The following SRGAP1 variants were observed in gnomAD, a reference collection of about 807,000 sequenced individuals.
SRGAP1 encodes SLIT-ROBO Rho GTPase activating protein 1.
Under a neutral mutation model 121.9 loss-of-function variants are expected in SRGAP1, and 43 were observed. The observed-to-expected ratio is 0.35, with a 90% CI of 0.28 to 0.46. The LOEUF is 0.46. SRGAP1 is among the 20% of genes least tolerant of loss of function. The pLI, the probability that SRGAP1 is intolerant of heterozygous loss-of-function variation, is 1.00. For synonymous variants in SRGAP1, 447 were observed against 485.4 expected (o/e 0.92, Z 1.04); for missense variants, 1,102 against 1,350.9 (o/e 0.82, Z 2.89).
intron 6 of SRGAP1, among the ~76,000 whole-genome samples, chr12:64,048,334 G>A (rs1265617967): frequency 3.3e-5 from 5 of 152,074 alleles, no homozygotes; most frequent in Non-Finnish European, 7.4e-5. Flanking sequence ...ACAGGATCTC[G>A]TTCTTTTTCA....
intron 1 of SRGAP1, among the ~76,000 whole-genome samples, chr12:63,955,096 T>C (rs2032423138): frequency 6.6e-6 from 1 of 152,188 alleles, no homozygotes; most frequent in Non-Finnish European, 1.5e-5. Flanking sequence ...GGTGGGCGGA[T>C]CACTTGAGGT....
rs1263169996 is a variant in SRGAP1 at position 64,161,310 on chromosome 12, A to G, written c.*18638A>G. Reference sequence around the variant, plus strand: ...TCTCCTCCATTCCATCTGTTTTCTTATAATTCCTAATATTTGGAGGTTGGA... The same window carrying G: ...TCTCCTCCATTCCATCTGTTTTCTTGTAATTCCTAATATTTGGAGGTTGGA... On this transcript the variant is annotated 3_prime_UTR_variant, in exon 22 of 22. Coordinates refer to ENST00000355086, the MANE Select transcript of SRGAP1 (RefSeq NM_020762.4). 6.6e-6 allele frequency: 1 copy of G among 152,158 alleles called. No homozygotes were observed. Among genetic ancestry groups the G allele is most frequent in the African/African-American group, 2.4e-5 (1 of 41,442 alleles). The allele number at this position is 152,158 out of a possible 1,614,324, so 9.4% of individuals were successfully genotyped here. A position where few individuals can be genotyped will look rare whatever the true frequency, so the allele number is the denominator to read the frequency against.
In SRGAP1 at chr12:64,147,607, C is replaced by A; in HGVS notation, c.*4935C>A. On this transcript the variant is annotated 3_prime_UTR_variant, in exon 22 of 22. Coordinates refer to ENST00000355086, the MANE Select transcript of SRGAP1 (RefSeq NM_020762.4). ...TGCTGCTGACAGCATCGCATTCGCCCGTGCTCTGTACTGCCTCTCACCATT... is the reference window on the plus strand; with the variant it reads ...TGCTGCTGACAGCATCGCATTCGCCAGTGCTCTGTACTGCCTCTCACCATT... The A allele has an allele frequency of 2.5e-6, 1 of 398,742 alleles. No homozygotes were observed. The highest frequency in any genetic ancestry group is 3.6e-5 in the East Asian group (1 of 28,084). The allele number at this position is 398,742 out of a possible 1,614,324, so 24.7% of individuals were successfully genotyped here. A position where few individuals can be genotyped will look rare whatever the true frequency, so the allele number is the denominator to read the frequency against.
At chr12:64,017,425 C>T (rs1352551536) in intron 4 of SRGAP1, among the ~76,000 whole-genome samples, 2 of 152,038 alleles carry the variant, frequency 1.3e-5, no homozygotes, top group African/African-American at 4.8e-5. Flanking sequence ...GAGGCCAAGG[C>T]TGGTGGATCA....
intron 6 of SRGAP1, among the ~76,000 whole-genome samples, chr12:64,049,290 A>T (rs1194792389): frequency 2.0e-5 from 3 of 152,174 alleles, no homozygotes; most frequent in Non-Finnish European, 2.9e-5. Flanking sequence ...TTAGTCCATT[A>T]TCACACTGCT....
intron 1 of SRGAP1, among the ~76,000 whole-genome samples, chr12:63,880,836 T>G (rs75986290): frequency 0.059 from 9,015 of 152,266 alleles, 322 homozygotes; most frequent in East Asian, 0.14. Flanking sequence ...CCTCCCTGGC[T>G]CCTGGCAGAC....
rs984216179 is a variant in SRGAP1 at position 64,153,527 on chromosome 12, C to A, written c.*10855C>A. 4.0e-5 allele frequency: 6 copies of A among 151,624 alleles called. No individual in the cohort carries two copies. Among genetic ancestry groups the A allele is most frequent in the African/African-American group, 1.5e-4 (6 of 41,260 alleles). The allele number at this position is 151,624 out of a possible 1,614,324, so 9.4% of individuals were successfully genotyped here. On this transcript the variant is annotated 3_prime_UTR_variant, in exon 22 of 22. Coordinates refer to ENST00000355086, the MANE Select transcript of SRGAP1 (RefSeq NM_020762.4). Reference sequence around the variant, plus strand: ...ATGTCATTCTAAGTTCAAGGAAAGCCATTGGAAGTTTCCAAAAAGGAACAT... The same window carrying A: ...ATGTCATTCTAAGTTCAAGGAAAGCAATTGGAAGTTTCCAAAAAGGAACAT...
intron 1 of SRGAP1, among the ~76,000 whole-genome samples, chr12:63,883,891 G>T (rs1257023912): frequency 2.0e-5 from 3 of 151,024 alleles, no homozygotes; most frequent in African/African-American, 7.3e-5. Context: ...ATCTCCTGAC[G>T]TCGTGATCCG....
chr12:63,936,137 A>G (rs565002654), intron 1 of SRGAP1, among the ~76,000 whole-genome samples: 3 of 152,278 alleles, frequency 2.0e-5, no homozygotes, highest in East Asian at 3.9e-4. Context: ...GAGACTGCCC[A>G]ACAGTGTGCA....
At chr12:63,895,503 T>C (rs1280486898) in intron 1 of SRGAP1, among the ~76,000 whole-genome samples, 1 of 152,216 alleles carries the variant, frequency 6.6e-6, no homozygotes, top group Non-Finnish European at 1.5e-5. Flanking sequence ...GCCATCATCA[T>C]AGAAATGTCT....
At chr12:63,974,159 C>G (rs141186300) in intron 1 of SRGAP1, among the ~76,000 whole-genome samples, 31 of 152,106 alleles carry the variant, frequency 2.0e-4, no homozygotes, top group African/African-American at 7.5e-4. Flanking sequence ...TTAAACTGCC[C>G]TTTCCTACAA....
Position 63,953,793 on chromosome 12 carries a change from G to A in SRGAP1, c.68-30154G>A, listed in dbSNP as rs550342882. On this transcript the variant is annotated intron_variant, in intron 1 of 21. Coordinates refer to ENST00000355086, the MANE Select transcript of SRGAP1 (RefSeq NM_020762.4). ...GACTTTCATCCTTGCTGCCATCTCAGTATTTAAAAAAATAACATGGAACTG... is the reference window on the plus strand; with the variant it reads ...GACTTTCATCCTTGCTGCCATCTCAATATTTAAAAAAATAACATGGAACTG... Among the ~76,000 whole-genome samples, 3 of 152,026 alleles carry A rather than the reference G, an allele frequency of 2.0e-5. No individual in the cohort carries two copies. The South Asian group carries it at 6.2e-4, about 32-fold the overall frequency.
intron 1 of SRGAP1, among the ~76,000 whole-genome samples, chr12:63,973,870 T>G (rs962954553): frequency 1.3e-5 from 2 of 152,342 alleles, no homozygotes; most frequent in Middle Eastern, 3.4e-3. Flanking sequence ...TGTTGAATTG[T>G]ATCAGGAAAG....
At chr12:64,129,409 T>C (rs2036748968) in intron 21 of SRGAP1, among the ~76,000 whole-genome samples, 2 of 152,156 alleles carry the variant, frequency 1.3e-5, no homozygotes, top group African/African-American at 2.4e-5. Context: ...GGCAGTTAAT[T>C]AGATGGTGCC....
chr12:64,126,404 A>G (rs1040630630), intron 19 of SRGAP1, among the ~76,000 whole-genome samples: 1 of 152,198 alleles, frequency 6.6e-6, no homozygotes, highest in African/African-American at 2.4e-5. Context: ...AAAATAACCT[A>G]TGCATAGAAT....
chr12:63,890,188 C>T (rs1900530965), intron 1 of SRGAP1, among the ~76,000 whole-genome samples: 3 of 152,308 alleles, frequency 2.0e-5, no homozygotes, highest in Admixed American at 2.0e-4. Flanking sequence ...CTCTCCCACT[C>T]AACCCCAAGA....
intron 6 of SRGAP1, among the ~76,000 whole-genome samples, chr12:64,055,590 C>T (rs1436010703): frequency 3.3e-5 from 5 of 151,642 alleles, no homozygotes; most frequent in Non-Finnish European, 7.4e-5. Context: ...ATCACACTAC[C>T]TGACTTCAAA....
Position 64,128,201 on chromosome 12 carries a change from G to T in SRGAP1, c.2880+1G>T. 1 of 1,598,456 alleles carries T rather than the reference G, an allele frequency of 6.3e-7. No individual in the cohort carries two copies. The highest frequency in any genetic ancestry group is 8.6e-7 in the Non-Finnish European group (1 of 1,167,824). Reference sequence around the variant, plus strand: ...ACTGGACCCAGAGACAATTGCTCAGGTACGATGCTTTTAATTACATATTGC... The same window carrying T: ...ACTGGACCCAGAGACAATTGCTCAGTTACGATGCTTTTAATTACATATTGC... On this transcript the variant is annotated splice_donor_variant, in intron 21 of 21. Transcript: ENST00000355086. LOFTEE classifies it high-confidence loss of function.
In SRGAP1 at chr12:64,108,730, G is replaced by A. The variant is rs147587440; in HGVS notation, c.1814-202G>A. 2.1e-3 allele frequency: 785 copies of A among 374,284 alleles called. 27 individuals carry two copies. In the Admixed American group the frequency reaches 0.03, roughly 14 times the overall value. The allele number at this position is 374,284 out of a possible 1,614,324, so 23.2% of individuals were successfully genotyped here. A position where few individuals can be genotyped will look rare whatever the true frequency, so the allele number is the denominator to read the frequency against. ...CAAGTCCATGAAAATCGGAGAAAAC[G>A]GTAAGGGTCAGAGGAGATGCCCTCT... On this transcript the variant is annotated intron_variant, in intron 15 of 21. Transcript: ENST00000355086.
Sources: allele counts gnomAD v4.1 joint callset (sites outside exome capture counted in the v4.1 genomes callset), GRCh38; gene constraint gnomAD v4.1.1; transcripts MANE v1.5; gene names NCBI Gene and HGNC (gene_info 2026-07-23, HGNC 2026-07-21).